Variants in LINC00305 observed in about 807,000 individuals in gnomAD.
The protein encoded by LINC00305 is long independently transcribed non-coding RNA 305.
At chr18:64,102,571 C>T (rs896796445) in intron 1 of LINC00305, among the ~76,000 whole-genome samples, 2 of 152,082 alleles carry the variant, frequency 1.3e-5, no homozygotes, top group Non-Finnish European at 2.9e-5. Context: ...TATATTAGGC[C>T]ATTCTTTCAT....
intron 1 of LINC00305, among the ~76,000 whole-genome samples, chr18:64,114,355 C>T (rs1275977111): frequency 2.0e-5 from 3 of 152,072 alleles, no homozygotes; most frequent in Admixed American, 6.6e-5. Flanking sequence ...GGGGAGGAGA[C>T]GGGTGCCTCA....
intron 1 of LINC00305, among the ~76,000 whole-genome samples, chr18:64,146,653 C>T (rs1329931912): frequency 6.6e-6 from 1 of 152,168 alleles, no homozygotes; most frequent in Non-Finnish European, 1.5e-5. Flanking sequence ...TCTTAAGTTT[C>T]TGTTAAAGTA....
At chr18:64,100,378 A>G (rs539783502) in intron 1 of LINC00305, among the ~76,000 whole-genome samples, 1 of 152,274 alleles carries the variant, frequency 6.6e-6, no homozygotes, top group East Asian at 1.9e-4. Context: ...AAAGAACGTC[A>G]CAGGAGGGCT....
Position 64,110,544 on chromosome 18 carries a change from A to G in LINC00305, n.315-11904T>C, listed in dbSNP as rs146047988. ...AAGACTTTGGGGGTATAAATGGGAC[A>G]TTTTTTGAAGAAGAAATGCTTGAGA... On this transcript the variant is annotated intron_variant and non_coding_transcript_variant, in intron 1 of 3. Transcript: ENST00000666468. Among the ~76,000 whole-genome samples, 53 of 152,286 alleles carry G rather than the reference A, an allele frequency of 3.5e-4. No homozygotes were observed. The East Asian group carries it at 9.1e-3, about 26-fold the overall frequency.
intron 1 of LINC00305, among the ~76,000 whole-genome samples, chr18:64,101,278 G>A (rs1351296735): frequency 6.6e-6 from 1 of 152,196 alleles, no homozygotes; most frequent in African/African-American, 2.4e-5. Flanking sequence ...AAAGATAACA[G>A]TGCTCATATG....
chr18:64,141,503 A>G (rs2051462989), intron 1 of LINC00305, among the ~76,000 whole-genome samples: 1 of 151,828 alleles, frequency 6.6e-6, no homozygotes, highest in Non-Finnish European at 1.5e-5. Flanking sequence ...AAAAGGGGGA[A>G]AAAGTTGTTG....
chr18:64,098,666 T>C (rs979941188), intron 1 of LINC00305: 1 of 420,642 alleles, frequency 2.4e-6, no homozygotes, highest in Non-Finnish European at 4.7e-6. Flanking sequence ...GAAAATAAAT[T>C]GTTGTTTTCA....
intron 1 of LINC00305, among the ~76,000 whole-genome samples, chr18:64,099,118 C>T (rs1335524249): frequency 6.6e-6 from 1 of 152,124 alleles, no homozygotes; most frequent in Non-Finnish European, 1.5e-5. Context: ...TTTACTTTTA[C>T]TGTCTGAAGA....
chr18:64,084,404 ACAAATGTTACCCTGGTAACAATACCG>A (rs1299353416), intron 3 of LINC00305, among the ~76,000 whole-genome samples: 23 of 152,306 alleles, frequency 1.5e-4, no homozygotes, highest in South Asian at 1.0e-3. Flanking sequence ...TACCTAGGTA[ACAAATGTTACCCTGGTAACAATACCG>A]CAAATGTTAC....
At chr18:64,092,638 T>C (rs2051229391) in intron 3 of LINC00305, among the ~76,000 whole-genome samples, 1 of 152,202 alleles carries the variant, frequency 6.6e-6, no homozygotes, top group African/African-American at 2.4e-5. Flanking sequence ...TCCTTTCCCC[T>C]GGTCTTTGAC....
intron 1 of LINC00305, among the ~76,000 whole-genome samples, chr18:64,107,226 C>T (rs1282378060): frequency 6.6e-6 from 1 of 152,164 alleles, no homozygotes; most frequent in Non-Finnish European, 1.5e-5. Context: ...AAGTGACTAA[C>T]CTCGACTGTT....
At chr18:64,105,154 C>T (rs1266700777) in intron 1 of LINC00305, among the ~76,000 whole-genome samples, 3 of 152,090 alleles carry the variant, frequency 2.0e-5, no homozygotes, top group African/African-American at 4.8e-5. Flanking sequence ...TGAGGTATCA[C>T]AGTGCATATA....
intron 1 of LINC00305, among the ~76,000 whole-genome samples, chr18:64,140,670 A>C (rs1001429233): frequency 1.3e-5 from 2 of 152,178 alleles, no homozygotes; most frequent in African/African-American, 4.8e-5. Flanking sequence ...CCACGTGGTC[A>C]ACAGGATTTT....
chr18:64,096,202 T>G (rs922179507), intron 3 of LINC00305, among the ~76,000 whole-genome samples: 1 of 151,988 alleles, frequency 6.6e-6, no homozygotes, highest in Non-Finnish European at 1.5e-5. Context: ...TAAAGTGATA[T>G]GAAGAAATGA....
At chr18:64,087,995 C>A (rs943163209) in intron 3 of LINC00305, among the ~76,000 whole-genome samples, 1 of 151,914 alleles carries the variant, frequency 6.6e-6, no homozygotes, top group African/African-American at 2.4e-5. Flanking sequence ...TGGTGGCGGG[C>A]GCCTGTAGTC....
intron 1 of LINC00305, among the ~76,000 whole-genome samples, chr18:64,122,210 G>A (rs1258347311): frequency 2.0e-5 from 3 of 151,930 alleles, no homozygotes; most frequent in African/African-American, 4.8e-5. Context: ...GTCTATTTTT[G>A]TTTTTGTTGC....
chr18:64,140,887 C>A (rs945744971), intron 1 of LINC00305, among the ~76,000 whole-genome samples: 1 of 151,732 alleles, frequency 6.6e-6, no homozygotes, highest in Non-Finnish European at 1.5e-5. Flanking sequence ...AAGAAAGACA[C>A]GGAGAGATGC....
intron 3 of LINC00305, among the ~76,000 whole-genome samples, chr18:64,091,186 G>T (rs2051223585): frequency 6.6e-6 from 1 of 152,220 alleles, no homozygotes; most frequent in South Asian, 2.1e-4. Flanking sequence ...TTGAAAGCAA[G>T]TTCTGGTTCA....
chr18:64,094,001 G>A (rs930278414), intron 3 of LINC00305, among the ~76,000 whole-genome samples: 12 of 152,156 alleles, frequency 7.9e-5, no homozygotes, highest in Non-Finnish European at 1.8e-4. Flanking sequence ...ATAGTTTTCC[G>A]CTGAAGGGAT....
Sources: gnomAD v4.1 joint callset for allele counts (sites outside exome capture counted in the v4.1 genomes callset) on GRCh38, gnomAD v4.1.1 for gene constraint, MANE v1.5 for transcripts, NCBI Gene and HGNC (gene_info 2026-07-23, HGNC 2026-07-21) for gene names.